The following CYB5B variants were observed in gnomAD, a reference collection of about 807,000 sequenced individuals.
The protein encoded by CYB5B is cytochrome b5 type B.
A neutral mutation model predicts 21.3 loss-of-function variants in CYB5B; 14 were observed. The ratio of observed to expected loss-of-function variants is 0.66; its 90% CI spans 0.43 to 1.03. CYB5B has a LOEUF of 1.03. CYB5B is among the 50% of genes least tolerant of loss of function. CYB5B has a pLI of 0.00. For missense variants in CYB5B, 166 were observed against 185.1 expected (o/e 0.90, Z 0.60); for synonymous variants, 69 against 68.4 (o/e 1.01, Z -0.04).
intron 4 of CYB5B, among the ~76,000 whole-genome samples, chr16:69,461,747 T>C (rs1422673789): frequency 6.6e-6 from 1 of 152,186 alleles, no homozygotes; most frequent in Non-Finnish European, 1.5e-5. Context: ...GTATATGCTT[T>C]GTGTGTATGT....
chr16:69,450,075 C>T (rs2142822045), intron 3 of CYB5B: 3 of 152,128 alleles, frequency 2.0e-5, no homozygotes, highest in Admixed American at 2.0e-4. Context: ...ATAAAATTAG[C>T]TGAGCATTAT....
chr16:69,464,902 C>A lies in CYB5B; in HGVS notation c.*2382C>A, dbSNP rs888435762. ...ATGTCACTTTGTATCTGGAAAATCA[C>A]TTTGGGGTCCATTTACTGTTATTTT... On this transcript the variant is annotated 3_prime_UTR_variant, in exon 5 of 5. Transcript: ENST00000307892. 1 of 152,632 alleles carries A rather than the reference C, an allele frequency of 6.6e-6. No individual in the cohort carries two copies. Among genetic ancestry groups the A allele is most frequent in the African/African-American group, 2.4e-5 (1 of 41,456 alleles). The allele number at this position is 152,632 out of a possible 1,614,324, so 9.5% of individuals were successfully genotyped here. A position where few individuals can be genotyped will look rare whatever the true frequency, so the allele number is the denominator to read the frequency against.
chr16:69,448,025 A>T, intron 2 of CYB5B, 90 bp from the exon 3 acceptor site: 1 of 1,333,898 alleles, frequency 7.5e-7, no homozygotes, highest in Non-Finnish European at 1.1e-6. Context: ...ACCAGAATAT[A>T]GTCTCATGTT....
At chr16:69,440,293 A>G (rs371594498) in intron 1 of CYB5B, among the ~76,000 whole-genome samples, 1 of 152,228 alleles carries the variant, frequency 6.6e-6, no homozygotes, top group East Asian at 1.9e-4. Context: ...TACTCATTAA[A>G]CAAATTCCCT....
chr16:69,434,986 A>G (rs1166815310), intron 1 of CYB5B, among the ~76,000 whole-genome samples: 1 of 151,902 alleles, frequency 6.6e-6, no homozygotes, highest in Non-Finnish European at 1.5e-5. Context: ...CCATTTATAT[A>G]TGCCTTTTTA....
intron 4 of CYB5B, among the ~76,000 whole-genome samples, chr16:69,459,888 G>A (rs982888983): frequency 3.9e-5 from 6 of 152,048 alleles, no homozygotes; most frequent in African/African-American, 1.4e-4. Flanking sequence ...AAGGGCTTAG[G>A]ATCAGCGAAA....
At chr16:69,430,359 G>A (rs933305518) in intron 1 of CYB5B, among the ~76,000 whole-genome samples, 1 of 151,986 alleles carries the variant, frequency 6.6e-6, no homozygotes, top group African/African-American at 2.4e-5. Context: ...GGGACTACAG[G>A]TATGTACTAC....
At chr16:69,460,704 C>G (rs965324946) in intron 4 of CYB5B, among the ~76,000 whole-genome samples, 5 of 151,692 alleles carry the variant, frequency 3.3e-5, no homozygotes, top group African/African-American at 1.2e-4. Flanking sequence ...CCAGGTACAC[C>G]CAGAAATATA....
At chr16:69,444,802 G>A (rs946296384) in intron 1 of CYB5B, among the ~76,000 whole-genome samples, 1 of 152,140 alleles carries the variant, frequency 6.6e-6, no homozygotes, top group Non-Finnish European at 1.5e-5. Context: ...ACTAATGGCT[G>A]AAATGATTGA....
At chr16:69,437,625 A>G (rs2014774714) in intron 1 of CYB5B, among the ~76,000 whole-genome samples, 1 of 152,128 alleles carries the variant, frequency 6.6e-6, no homozygotes, top group Admixed American at 6.5e-5. Flanking sequence ...AGATAACAAA[A>G]TTTGCCATTT....
In CYB5B at chr16:69,465,872, C is replaced by T. The variant is rs1002324065; in HGVS notation, c.*3352C>T. 3 of 152,376 alleles carry T rather than the reference C, an allele frequency of 2.0e-5. No homozygotes were observed. Among genetic ancestry groups the T allele is most frequent in the Non-Finnish European group, 2.9e-5 (2 of 68,018 alleles). 9.4% of individuals were successfully genotyped at this position (152,376 alleles called of 1,614,324 possible). ...ACAGAAGTAATGAGGAGTTTAGTTA[C>T]ATTTGGCTGTTGTGCTCTGAAAGAG... On this transcript the variant is annotated 3_prime_UTR_variant, in exon 5 of 5. Coordinates refer to ENST00000307892, the MANE Select transcript of CYB5B (RefSeq NM_030579.3).
chr16:69,425,009 T>A, intron 1 of CYB5B, 152 bp downstream of exon 1: 1 of 777,000 alleles, frequency 1.3e-6, no homozygotes, highest in Non-Finnish European at 1.9e-6. Context: ...TGGGGTGGGA[T>A]TGGGGGAGGG....
At chr16:69,453,844 C>T (rs1185182098) in intron 3 of CYB5B, among the ~76,000 whole-genome samples, 3 of 152,176 alleles carry the variant, frequency 2.0e-5, no homozygotes, top group African/African-American at 7.2e-5. Context: ...CAGGCATGAG[C>T]CACCAGCTAC....
chr16:69,424,898 C>G, intron 1 of CYB5B, 41 bp downstream of exon 1: 1 of 1,489,168 alleles, frequency 6.7e-7, no homozygotes, highest in Non-Finnish European at 9.0e-7. Context: ...GCTGCTGGGG[C>G]GAGGGGTGAA....
chr16:69,455,378 T>G (rs1389170347), intron 3 of CYB5B, among the ~76,000 whole-genome samples: 1 of 151,560 alleles, frequency 6.6e-6, no homozygotes, highest in African/African-American at 2.4e-5. Flanking sequence ...GGTTGCCAGT[T>G]GAGACATTTC....
intron 1 of CYB5B, among the ~76,000 whole-genome samples, chr16:69,442,281 A>G (rs2014832030): frequency 6.6e-6 from 1 of 152,090 alleles, no homozygotes; most frequent in African/African-American, 2.4e-5. Context: ...AATTTTTGGT[A>G]AATGTTTATA....
chr16:69,452,976 T>TGA (rs1042260496), intron 3 of CYB5B, among the ~76,000 whole-genome samples: 2 of 150,250 alleles, frequency 1.3e-5, no homozygotes, highest in East Asian at 1.9e-4. Flanking sequence ...TCCAGCCTGG[T>TGA]GAGAGAGCGA....
rs540261683 is a variant in CYB5B at position 69,427,540 on chromosome 16, T to G, written c.174+2683T>G. The stretch of plus-strand genomic sequence containing the variant: ...TTTACCTGCAGTTTTGTTTTTTTTG[T>G]TTTGTTTTTTGAGACAAGGTCTTAC... On this transcript the variant is annotated intron_variant, in intron 1 of 4. Transcript: ENST00000307892. Among the ~76,000 whole-genome samples the G allele has an allele frequency of 3.3e-5, 5 of 151,788 alleles. No homozygotes were observed. The South Asian group carries it at 1.0e-3, about 32-fold the overall frequency.
chr16:69,436,732 G>A (rs1436878111), intron 1 of CYB5B, among the ~76,000 whole-genome samples: 1 of 152,112 alleles, frequency 6.6e-6, no homozygotes, highest in Non-Finnish European at 1.5e-5. Flanking sequence ...CATTTTCCAT[G>A]TCAGGTGATC....
Sources: allele counts gnomAD v4.1 joint callset (sites outside exome capture counted in the v4.1 genomes callset), GRCh38; gene constraint gnomAD v4.1.1; transcripts MANE v1.5; gene names NCBI Gene and HGNC (gene_info 2026-07-23, HGNC 2026-07-21).